The following KAZN variants were observed in gnomAD, a reference collection of about 807,000 sequenced individuals.
KAZN encodes the protein kazrin, periplakin interacting protein.
KAZN carries 40 observed loss-of-function variants against 87.4 expected under a neutral mutation model. The ratio of observed to expected loss-of-function variants is 0.46; its 90% CI spans 0.36 to 0.60. The LOEUF is 0.60. KAZN is among the 20% of genes least tolerant of loss of function. The pLI, the probability that KAZN is intolerant of heterozygous loss-of-function variation, is 0.00. For synonymous variants in KAZN, 466 were observed against 458.3 expected, an observed-to-expected ratio of 1.02 and a Z score of -0.22; for missense variants, 898 against 1,073.9, an observed-to-expected ratio of 0.84 and a Z score of 2.29.
At chr1:14,933,103 A>C (rs1474348489) in intron 1 of KAZN, among the ~76,000 whole-genome samples, 1 of 151,950 alleles carries the variant, frequency 6.6e-6, no homozygotes, top group Non-Finnish European at 1.5e-5. Context: ...TTATTTCTTT[A>C]TTTATGAGAT....
At chr1:13,982,103 C>A (rs1008792232) in intron 1 of KAZN, among the ~76,000 whole-genome samples, 2 of 152,170 alleles carry the variant, frequency 1.3e-5, no homozygotes, top group Admixed American at 6.5e-5. Flanking sequence ...GGGCAAAGGT[C>A]CAGGGCCTAG....
At chr1:15,040,144 T>C (rs910902546) in intron 3 of KAZN, among the ~76,000 whole-genome samples, 2 of 152,124 alleles carry the variant, frequency 1.3e-5, no homozygotes, top group African/African-American at 4.8e-5. Context: ...AGGACACATG[T>C]TTAGAGCCAG....
chr1:14,384,890 G>A (rs1449885793), intron 2 of KAZN, among the ~76,000 whole-genome samples: 1 of 151,804 alleles, frequency 6.6e-6, no homozygotes, highest in African/African-American at 2.4e-5. Flanking sequence ...CAGAAGGAAT[G>A]GTACCAGTTC....
chr1:14,196,609 G>A (rs1038854748), intron 2 of KAZN, among the ~76,000 whole-genome samples: 1 of 152,042 alleles, frequency 6.6e-6, no homozygotes, highest in Admixed American at 6.5e-5. Context: ...GAAGATCAAG[G>A]GGAGGTGATT....
At chr1:14,430,288 T>C (rs1267623712) in intron 2 of KAZN, among the ~76,000 whole-genome samples, 1 of 150,612 alleles carries the variant, frequency 6.6e-6, no homozygotes, top group Non-Finnish European at 1.5e-5. Context: ...TAACTTACAA[T>C]AGAATTAACA....
At chr1:14,997,497 C>T (rs949538013) in intron 2 of KAZN, among the ~76,000 whole-genome samples, 36 of 152,106 alleles carry the variant, frequency 2.4e-4, no homozygotes, top group African/African-American at 8.7e-4. Flanking sequence ...GCCTCGGCCT[C>T]CCAAAGTGCT....
rs1465856173 is a variant in KAZN at position 15,050,083 on chromosome 1, C to CAGTAGAGTAG, written c.726+5933_726+5934insGAGTAGAGTA. ...GGGTAGGGTAGAGTAGAGTAGAGTA[C>CAGTAGAGTAG]AGTAGAGTACAGTAGAGTAGAGTAG... On this transcript the variant is annotated intron_variant, in intron 4 of 14. Coordinates refer to ENST00000376030, the MANE Select transcript of KAZN (RefSeq NM_201628.3). Among the ~76,000 whole-genome samples, 531 of 88,596 alleles carry CAGTAGAGTAG rather than the reference C, an allele frequency of 6.0e-3. 2 individuals carry two copies. The highest frequency in any genetic ancestry group is 0.025 in the African/African-American group (465 of 18,554). 58.1% of individuals were successfully genotyped at this position (88,596 alleles called of 152,430 possible). A position where few individuals can be genotyped will look rare whatever the true frequency, so the allele number is the denominator to read the frequency against.
chr1:14,386,719 T>C (rs1340756110), intron 2 of KAZN, among the ~76,000 whole-genome samples: 2 of 152,220 alleles, frequency 1.3e-5, no homozygotes, highest in African/African-American at 4.8e-5. Flanking sequence ...GAGGGTAACA[T>C]GACCTTTCTC....
chr1:14,862,511 C>A (rs1222266516), intron 1 of KAZN, among the ~76,000 whole-genome samples: 1 of 152,150 alleles, frequency 6.6e-6, no homozygotes, highest in Non-Finnish European at 1.5e-5. Flanking sequence ...GACTTTCAAA[C>A]CCCCAGCCTG....
intron 1 of KAZN, among the ~76,000 whole-genome samples, chr1:14,697,725 A>G (rs891439335): frequency 6.6e-6 from 1 of 152,224 alleles, no homozygotes; most frequent in Non-Finnish European, 1.5e-5. Flanking sequence ...TTTTTTGATA[A>G]AGGGAAGACC....
chr1:14,086,113 T>C (rs1643845824), intron 1 of KAZN, among the ~76,000 whole-genome samples: 1 of 152,230 alleles, frequency 6.6e-6, no homozygotes, highest in Non-Finnish European at 1.5e-5. Flanking sequence ...TTTCATACAA[T>C]TGAGTTTTAG....
chr1:14,577,851 A>T (rs1675287025), intron 2 of KAZN, among the ~76,000 whole-genome samples: 1 of 152,166 alleles, frequency 6.6e-6, no homozygotes, highest in Admixed American at 6.5e-5. Context: ...TGCCCATTTC[A>T]CAGATGAGAA....
chr1:14,655,516 G>T (rs1234882897), intron 1 of KAZN, among the ~76,000 whole-genome samples: 1 of 152,204 alleles, frequency 6.6e-6, no homozygotes, highest in Non-Finnish European at 1.5e-5. Flanking sequence ...GTTTCTGTTT[G>T]TTGGAGCTTA....
At chr1:14,787,955 C>A (rs1249613180) in intron 1 of KAZN, among the ~76,000 whole-genome samples, 1 of 152,172 alleles carries the variant, frequency 6.6e-6, no homozygotes, top group African/African-American at 2.4e-5. Flanking sequence ...TCAGTGGCCC[C>A]AGAAGAAAAC....
At chr1:14,738,856 G>C (rs1267092823) in intron 1 of KAZN, among the ~76,000 whole-genome samples, 1 of 152,164 alleles carries the variant, frequency 6.6e-6, no homozygotes, top group African/African-American at 2.4e-5. Flanking sequence ...ACAGCAAGTA[G>C]AGGGCAGAGT....
chr1:14,700,479 A>T (rs1309515598), intron 1 of KAZN, among the ~76,000 whole-genome samples: 2 of 152,036 alleles, frequency 1.3e-5, no homozygotes, highest in Non-Finnish European at 2.9e-5. Context: ...TTAAAAAAAA[A>T]AAAAATAGTC....
chr1:15,078,941 C>T (rs761458714), intron 8 of KAZN, among the ~76,000 whole-genome samples: 5 of 152,196 alleles, frequency 3.3e-5, no homozygotes, highest in Non-Finnish European at 5.9e-5. Context: ...GTTTGCTGTT[C>T]CTAAACTGGC....
chr1:14,159,295 T>C (rs1645661394), intron 1 of KAZN, among the ~76,000 whole-genome samples: 1 of 152,196 alleles, frequency 6.6e-6, no homozygotes. Context: ...TATTGTACTG[T>C]AGCTGATCTG....
In KAZN at chr1:14,341,414, G is replaced by GCACCCT. The variant is rs1300031924; in HGVS notation, c.249+160822_249+160823insCACCCT. Among the ~76,000 whole-genome samples, 3 of 152,114 alleles carry GCACCCT rather than the reference G, an allele frequency of 2.0e-5. No individual in the cohort carries two copies. The East Asian group carries it at 5.8e-4, about 29-fold the overall frequency. On this transcript the variant is annotated intron_variant, in intron 2 of 16. Transcript: ENST00000636203. The stretch of plus-strand genomic sequence containing the variant: ...AGATCCTGCAGCTCCTGGGCTCAGG[G>GCACCCT]TGCTGCAGTGGCTCCCAACGCACGC...
Sources: allele counts gnomAD v4.1 joint callset (sites outside exome capture counted in the v4.1 genomes callset), GRCh38; gene constraint gnomAD v4.1.1; transcripts MANE v1.5; gene names NCBI Gene and HGNC (gene_info 2026-07-23, HGNC 2026-07-21).